DISC1: variants seen among roughly 807,000 people sequenced by gnomAD.
DISC1 encodes the protein disrupted in schizophrenia 1 protein.
A neutral mutation model predicts 84.5 loss-of-function variants in DISC1; 57 were observed. The observed-to-expected ratio is 0.67, with a 90% CI of 0.55 to 0.84. The LOEUF is 0.84. DISC1 is among the 40% of genes least tolerant of loss of function. The probability of loss-of-function intolerance (pLI) is 0.00; values close to 1 mark genes in which losing one functional copy is unlikely to be tolerated. For missense variants in DISC1, 1,000 were observed against 1,057.8 expected (o/e 0.95, Z 0.76); for synonymous variants, 411 against 415.2 (o/e 0.99, Z 0.12).
At chr1:231,832,964 A>G (rs61050517) in intron 9 of DISC1, among the ~76,000 whole-genome samples, 3,958 of 65,498 alleles carry the variant, frequency 0.06, 263 homozygotes, top group East Asian at 0.12. Context: ...GGCATTGAGC[A>G]GGCTAAGGGT....
chr1:231,796,065 C>T (rs2078741966), intron 7 of DISC1, among the ~76,000 whole-genome samples: 1 of 152,184 alleles, frequency 6.6e-6, no homozygotes, highest in Non-Finnish European at 1.5e-5. Context: ...ATCGTTTATA[C>T]TGCCATAGCA....
chr1:232,005,042 A>T (rs115350370), intron 10 of DISC1, among the ~76,000 whole-genome samples: 20,334 of 51,028 alleles, frequency 0.4, 3,259 homozygotes, highest in African/African-American at 0.44. Flanking sequence ...CCCTCCCTCC[A>T]TCCTTCCTTC....
intron 10 of DISC1, among the ~76,000 whole-genome samples, chr1:232,006,514 G>A (rs1217854187): frequency 6.6e-6 from 1 of 152,122 alleles, no homozygotes; most frequent in Non-Finnish European, 1.5e-5. Context: ...TGAGAGAGGT[G>A]ATTTAGGGTA....
intron 4 of DISC1, among the ~76,000 whole-genome samples, chr1:231,756,143 G>A (rs1050129957): frequency 7.9e-5 from 12 of 152,182 alleles, no homozygotes; most frequent in Non-Finnish European, 4.4e-5. Context: ...TGTTCTGAAT[G>A]TTTCTAGATT....
intron 7 of DISC1, among the ~76,000 whole-genome samples, chr1:231,795,892 GA>G (rs1024797453): frequency 1.1e-4 from 17 of 148,084 alleles, no homozygotes; most frequent in East Asian, 5.9e-4. Context: ...CTATCTCAAA[GA>G]AAAAAAAAAT....
intron 9 of DISC1, among the ~76,000 whole-genome samples, chr1:231,864,275 C>T (rs567514772): frequency 1.2e-4 from 19 of 152,112 alleles, no homozygotes; most frequent in South Asian, 1.2e-3. Context: ...CCCTATATGT[C>T]GTCTGTATAA....
At chr1:231,674,437 A>G (rs1477726332) in intron 1 of DISC1, among the ~76,000 whole-genome samples, 1 of 152,266 alleles carries the variant, frequency 6.6e-6, no homozygotes, top group Non-Finnish European at 1.5e-5. Flanking sequence ...AATTGTAGAA[A>G]GTAGCATTAG....
intron 1 of DISC1, among the ~76,000 whole-genome samples, chr1:231,665,365 C>T (rs1249404457): frequency 2.0e-5 from 3 of 152,064 alleles, no homozygotes; most frequent in Admixed American, 6.6e-5. Flanking sequence ...GGGACTCATA[C>T]GAAGTGCCAC....
Position 232,008,813 on chromosome 1 carries a change from T to C in DISC1, c.2071T>C (p.Trp691Arg), listed in dbSNP as rs1667775054. The change falls in exon 11 of 13, where the codon TGG (tryptophan) becomes CGG (arginine). Residue 691 changes from tryptophan (W) to arginine (R), a missense_variant. Trp to Arg is a moderately radical substitution (Grantham distance 101, BLOSUM62 -3). Around this residue, in one of 3 missense-constraint regions of DISC1, gnomAD observed 397 missense variants for 377.5 expected, o/e 1.05. Transcript: ENST00000439617. The stretch of plus-strand genomic sequence containing the variant: ...CAAGTGTCCACTGCTTGGGAAAGTG[T>C]GGGAAGCTGACTTGGAAGCTTGTCG... ...SCKCPLLGKV[W>R]EADLEACRLL... 1.3e-6 allele frequency: 2 copies of C among 1,590,788 alleles called. No individual in the cohort carries two copies.
At chr1:231,869,750 C>T (rs969170674) in intron 9 of DISC1, among the ~76,000 whole-genome samples, 1 of 152,134 alleles carries the variant, frequency 6.6e-6, no homozygotes, top group Admixed American at 6.5e-5. Context: ...CCACCTTAAA[C>T]ATTGGGGAGC....
intron 10 of DISC1, among the ~76,000 whole-genome samples, chr1:231,990,654 G>C (rs745966411): frequency 6.6e-6 from 1 of 152,134 alleles, no homozygotes; most frequent in Non-Finnish European, 1.5e-5. Context: ...AAGGAGTCAC[G>C]TGTGGGCTTT....
intron 9 of DISC1, among the ~76,000 whole-genome samples, chr1:231,837,847 G>GA (rs994069947): frequency 4.3e-4 from 65 of 152,058 alleles, no homozygotes; most frequent in African/African-American, 1.5e-3. Flanking sequence ...ACTGATGCTG[G>GA]AAAAAAATAG....
At chr1:231,757,596 G>A (rs957957205) in intron 4 of DISC1, among the ~76,000 whole-genome samples, 5 of 151,658 alleles carry the variant, frequency 3.3e-5, no homozygotes, top group African/African-American at 9.8e-5. Flanking sequence ...GGCAGATATC[G>A]GTACTCAAAT....
At chr1:231,883,240 C>T (rs772792271) in intron 9 of DISC1, among the ~76,000 whole-genome samples, 1 of 152,062 alleles carries the variant, frequency 6.6e-6, no homozygotes, top group Non-Finnish European at 1.5e-5. Context: ...TTCTTTCTCT[C>T]TATAATATTA....
chr1:231,893,723 C>T (rs1400295428), intron 9 of DISC1, among the ~76,000 whole-genome samples: 6 of 152,080 alleles, frequency 3.9e-5, no homozygotes, highest in South Asian at 4.2e-4. Flanking sequence ...TCTGGGTGGG[C>T]GTGGCATACG....
chr1:231,712,444 A>T (rs938398895), intron 3 of DISC1, among the ~76,000 whole-genome samples: 5 of 152,246 alleles, frequency 3.3e-5, no homozygotes, highest in Admixed American at 6.5e-5. Context: ...AACAGAAACC[A>T]TTAGAACAAA....
chr1:231,759,631 A>G (rs960747592), intron 4 of DISC1, among the ~76,000 whole-genome samples: 11 of 151,900 alleles, frequency 7.2e-5, no homozygotes, highest in Non-Finnish European at 1.0e-4. Flanking sequence ...GCTTGAACTC[A>G]GGAATTTGGG....
intron 5 of DISC1, among the ~76,000 whole-genome samples, chr1:231,768,401 G>A (rs1274466854): frequency 6.6e-6 from 1 of 152,120 alleles, no homozygotes; most frequent in African/African-American, 2.4e-5. Context: ...AAAAGTCAGG[G>A]CAATTTATTT....
chr1:231,693,115 A>G (rs2065239677), intron 1 of DISC1, among the ~76,000 whole-genome samples: 1 of 152,248 alleles, frequency 6.6e-6, no homozygotes, highest in African/African-American at 2.4e-5. Flanking sequence ...TAACTTGTGG[A>G]AGGTCACACA....
Sources: allele counts gnomAD v4.1 joint callset (sites outside exome capture counted in the v4.1 genomes callset), GRCh38; gene constraint gnomAD v4.1.1; regional missense constraint gnomAD v4.1.1; transcripts MANE v1.5; gene names NCBI Gene and HGNC (gene_info 2026-07-23, HGNC 2026-07-21).